Variants in ARMC9 observed in about 807,000 individuals in gnomAD.
ARMC9 encodes armadillo repeat containing 9, also known as lisH domain-containing protein ARMC9.
Under a neutral mutation model 107.0 loss-of-function variants are expected in ARMC9, and 94 were observed. That is an observed-to-expected ratio of 0.88 (90% CI 0.74 to 1.04). The LOEUF (loss-of-function observed/expected upper bound fraction) is 1.04. Ranked by LOEUF, ARMC9 falls within the 50% of genes least tolerant of loss-of-function variation. The probability of loss-of-function intolerance (pLI) is 0.00; values close to 1 mark genes in which losing one functional copy is unlikely to be tolerated. For missense variants in ARMC9, 942 were observed against 1,030.1 expected (o/e 0.91, Z 1.17); for synonymous variants, 380 against 396.9 (o/e 0.96, Z 0.51).
rs1459231052 is a variant in ARMC9 at position 231,374,209 on chromosome 2, C to T, written c.*2674C>T. 1.3e-5 allele frequency: 2 copies of T among 152,152 alleles called. No homozygotes were observed. Among genetic ancestry groups the T allele is most frequent in the African/African-American group, 4.8e-5 (2 of 41,430 alleles). The allele number at this position is 152,152 out of a possible 1,614,324, so 9.4% of individuals were successfully genotyped here. A position where few individuals can be genotyped will look rare whatever the true frequency, so the allele number is the denominator to read the frequency against. On this transcript the variant is annotated 3_prime_UTR_variant, in exon 25 of 25. Coordinates refer to ENST00000611582, the MANE Select transcript of ARMC9 (RefSeq NM_001352754.2). ...CCAGATCTCCAGATGGAGATCCAAG[C>T]AGATGGCGCCTAAGGTTTGCCCTTG...
At chr2:231,286,981 C>A (rs559138957) in intron 17 of ARMC9, among the ~76,000 whole-genome samples, 1 of 152,178 alleles carries the variant, frequency 6.6e-6, no homozygotes, top group Admixed American at 6.5e-5. Context: ...AGGCCTCCTG[C>A]GACTAGGGCT....
At chr2:231,330,958 T>C (rs1312802268) in intron 19 of ARMC9, among the ~76,000 whole-genome samples, 1 of 152,020 alleles carries the variant, frequency 6.6e-6, no homozygotes, top group African/African-American at 2.4e-5. Context: ...CTGGGTAACC[T>C]GGCAAAACCT....
chr2:231,206,968 G>A (rs1041962571), intron 2 of ARMC9, among the ~76,000 whole-genome samples: 11 of 152,278 alleles, frequency 7.2e-5, no homozygotes, highest in Admixed American at 6.5e-4. Context: ...GGAATTTGGT[G>A]GTGTGATGGC....
chr2:231,339,543 C>T (rs1483769021), intron 20 of ARMC9, among the ~76,000 whole-genome samples: 1 of 152,168 alleles, frequency 6.6e-6, no homozygotes, highest in African/African-American at 2.4e-5. Flanking sequence ...ATTAAGCAAT[C>T]CTCCTGCCTC....
chr2:231,284,009 G>A (rs1041080715), intron 17 of ARMC9, among the ~76,000 whole-genome samples: 12 of 152,182 alleles, frequency 7.9e-5, no homozygotes, highest in African/African-American at 2.2e-4. Flanking sequence ...TGCATGAGCC[G>A]CTGAGCCTGG....
At chr2:231,315,937 G>A (rs533787431) in intron 19 of ARMC9, among the ~76,000 whole-genome samples, 1 of 152,132 alleles carries the variant, frequency 6.6e-6, no homozygotes, top group Non-Finnish European at 1.5e-5. Flanking sequence ...CTTTTTGTTT[G>A]TAAGTTGGTT....
intron 13 of ARMC9, among the ~76,000 whole-genome samples, chr2:231,271,538 C>T (rs1195719821): frequency 6.6e-6 from 1 of 152,144 alleles, no homozygotes; most frequent in East Asian, 1.9e-4. Context: ...ATAACATGCC[C>T]CCATAACTGA....
intron 19 of ARMC9, among the ~76,000 whole-genome samples, chr2:231,315,678 A>G (rs912969851): frequency 6.6e-6 from 1 of 152,216 alleles, no homozygotes; most frequent in African/African-American, 2.4e-5. Flanking sequence ...GTAGGTTTCA[A>G]AACACGAGTT....
intron 6 of ARMC9, 95 bp downstream of exon 6, chr2:231,222,915 T>C (rs983700799): frequency 1.4e-6 from 1 of 714,000 alleles, no homozygotes; most frequent in Admixed American, 3.0e-5. Flanking sequence ...GTTGCCTCAT[T>C]AAATCGGGAT....
chr2:231,264,185 A>G (rs1012398134), intron 12 of ARMC9, among the ~76,000 whole-genome samples: 15 of 152,084 alleles, frequency 9.9e-5, no homozygotes, highest in Admixed American at 9.2e-4. Context: ...TGGTTTACTT[A>G]TATATATTTT....
intron 3 of ARMC9, among the ~76,000 whole-genome samples, chr2:231,209,211 G>C (rs900803366): frequency 3.3e-5 from 5 of 151,908 alleles, no homozygotes; most frequent in South Asian, 4.2e-4. Context: ...CCAGAACCTC[G>C]TTTCTATAAA....
At chr2:231,324,609 T>G (rs1228721070) in intron 19 of ARMC9, among the ~76,000 whole-genome samples, 1 of 151,522 alleles carries the variant, frequency 6.6e-6, no homozygotes, top group East Asian at 2.0e-4. Flanking sequence ...AAATTAGTAG[T>G]GGCGCCTGCC....
rs539038634 is a variant in ARMC9 at position 231,209,372 on chromosome 2, C to A, written c.177+1120C>A. ...CTCCAGCTGTAGTGACAGAGTGAGA[C>A]CCTGTCTCCAAAAAAATTAAAAAGT... is the stretch of plus-strand genomic sequence containing the variant. On this transcript the variant is annotated intron_variant, in intron 3 of 24. Transcript: ENST00000611582. 9.9e-5 allele frequency among the ~76,000 whole-genome samples: 15 copies of A among 152,180 alleles called. No homozygotes were observed. The South Asian group carries it at 2.5e-3, about 25-fold the overall frequency.
intron 8 of ARMC9, among the ~76,000 whole-genome samples, chr2:231,237,175 C>CCTGTGTGT (rs71296843): frequency 5.4e-5 from 8 of 148,698 alleles, no homozygotes; most frequent in African/African-American, 2.0e-4. Flanking sequence ...TCTGCGTATG[C>CCTGTGTGT]GTGTGTGTGT....
At chr2:231,222,960 A>G (rs907472002) in intron 6 of ARMC9, 140 bp downstream of exon 6, 10 of 550,800 alleles carry the variant, frequency 1.8e-5, no homozygotes, top group African/African-American at 1.5e-4. Context: ...TACAAGGTCA[A>G]TGAATCATTA....
intron 9 of ARMC9, among the ~76,000 whole-genome samples, chr2:231,248,511 C>T (rs1481549349): frequency 2.0e-5 from 3 of 152,022 alleles, no homozygotes; most frequent in African/African-American, 4.8e-5. Context: ...TGCCCCTTCT[C>T]GTTAAAAAGC....
chr2:231,246,559 T>C (rs563532838), intron 9 of ARMC9, among the ~76,000 whole-genome samples: 2 of 152,342 alleles, frequency 1.3e-5, no homozygotes, highest in African/African-American at 4.8e-5. Flanking sequence ...GGTTTCGTAG[T>C]ATTCCATTGT....
At chr2:231,305,528 G>A (rs1449527803) in intron 19 of ARMC9, among the ~76,000 whole-genome samples, 2 of 152,186 alleles carry the variant, frequency 1.3e-5, no homozygotes, top group African/African-American at 4.8e-5. Context: ...CAGCATTCAC[G>A]TTTACAGCTT....
At chr2:231,342,849 C>T (rs1239132976) in intron 20 of ARMC9, among the ~76,000 whole-genome samples, 1 of 152,170 alleles carries the variant, frequency 6.6e-6, no homozygotes, top group African/African-American at 2.4e-5. Flanking sequence ...CCCACTTTCT[C>T]ACTCTCCCAG....
Sources: allele counts gnomAD v4.1 joint callset (sites outside exome capture counted in the v4.1 genomes callset), GRCh38; gene constraint gnomAD v4.1.1; transcripts MANE v1.5; gene names NCBI Gene and HGNC (gene_info 2026-07-23, HGNC 2026-07-21).